The following LCE1F variants were observed in gnomAD, a reference collection of about 807,000 sequenced individuals.
LCE1F encodes the protein late cornified envelope protein 1F.
For synonymous variants in LCE1F, 67 were observed against 59.9 expected, an observed-to-expected ratio of 1.12 and a Z score of -0.55; for missense variants, 154 against 153.5, an observed-to-expected ratio of 1.00 and a Z score of -0.02.
intron 1 of LCE1F, 43 bp from the exon 2 acceptor site, chr1:152,776,307 T>C (rs966048583): frequency 5.4e-6 from 8 of 1,468,768 alleles, no homozygotes; most frequent in Admixed American, 1.7e-5. Context: ...TAGGCAGGGG[T>C]GTCCTCTGCC....
In LCE1F at chr1:152,776,355, G is replaced by A; in HGVS notation, c.-17G>A. On this transcript the variant is annotated 5_prime_UTR_variant, in exon 2 of 2. Coordinates refer to ENST00000334371, the MANE Select transcript of LCE1F (RefSeq NM_178354.3). ...GCTGTCTGACCCTCCTTCAGCTCCTGAACACCCGCCACCGAGATGTCTTGC... is the reference window on the plus strand; with the variant it reads ...GCTGTCTGACCCTCCTTCAGCTCCTAAACACCCGCCACCGAGATGTCTTGC... 1 of 1,608,954 alleles carries A rather than the reference G, an allele frequency of 6.2e-7. No individual in the cohort carries two copies. The highest frequency in any genetic ancestry group is 8.5e-7 in the Non-Finnish European group (1 of 1,177,722).
chr1:152,776,150 A>T (rs1276300496), intron 1 of LCE1F, among the ~76,000 whole-genome samples, 200 bp from the exon 2 acceptor site: 1 of 152,176 alleles, frequency 6.6e-6, no homozygotes, highest in Non-Finnish European at 1.5e-5. Flanking sequence ...GCATGACAAC[A>T]TCTCAAATAA....
intron 1 of LCE1F, among the ~76,000 whole-genome samples, 145 bp downstream of exon 1, chr1:152,775,335 G>T (rs1328120643): frequency 2.6e-5 from 4 of 152,188 alleles, no homozygotes; most frequent in African/African-American, 9.6e-5. Context: ...CAAGGAATGG[G>T]GTGGGGGCAG....
At chr1:152,775,276 G>A (rs1468405250) in intron 1 of LCE1F, among the ~76,000 whole-genome samples, 86 bp downstream of exon 1, 1 of 152,168 alleles carries the variant, frequency 6.6e-6, no homozygotes, top group East Asian at 1.9e-4. Context: ...TCAGACCAGG[G>A]CAGGAGTAGA....
intron 1 of LCE1F, among the ~76,000 whole-genome samples, chr1:152,775,929 T>C (rs998052170): frequency 1.0e-4 from 15 of 149,174 alleles, no homozygotes; most frequent in African/African-American, 3.9e-4. Flanking sequence ...AACTGAAATA[T>C]ATCAGTTCTT....
chr1:152,776,226 G>A, intron 1 of LCE1F, 124 bp from the exon 2 acceptor site: 2 of 830,994 alleles, frequency 2.4e-6, no homozygotes, highest in South Asian at 1.7e-5. Flanking sequence ...AAACATTAGA[G>A]GTGATTTTCC....
intron 1 of LCE1F, among the ~76,000 whole-genome samples, chr1:152,776,051 G>A (rs934454106): frequency 9.2e-5 from 14 of 152,006 alleles, no homozygotes; most frequent in East Asian, 3.9e-4. Flanking sequence ...ATGCTGGCCC[G>A]GAGCCAATTT....
Position 152,776,467 on chromosome 1 carries a change from G to A in LCE1F, c.96G>A (p.Lys32=), listed in dbSNP as rs1651602856. The A allele has an allele frequency of 1.2e-6, 2 of 1,600,084 alleles. No homozygotes were observed. The highest frequency in any genetic ancestry group is 8.5e-7 in the Non-Finnish European group (1 of 1,175,288). ...GCCCCACACCGAAGTGCCCCCCAAA[G>A]TGTCCCCCTAAGTGCCCTCCTGTCT... ...PKCPTPKCPP[K]CPPKCPPVSS... Residue 32 remains lysine (K), a synonymous_variant, in exon 2 of 2, where the codon AAG becomes AAA. Transcript: ENST00000334371.
Position 152,776,335 on chromosome 1 carries a change from C to G in LCE1F, c.-22-15C>G. ...CCTCTGCCTCCATCTAACTTGCTGTCTGACCCTCCTTCAGCTCCTGAACAC... is the reference window on the plus strand; with the variant it reads ...CCTCTGCCTCCATCTAACTTGCTGTGTGACCCTCCTTCAGCTCCTGAACAC... On this transcript the variant is annotated splice_polypyrimidine_tract_variant and intron_variant, in intron 1 of 1. Transcript: ENST00000334371. 1 of 1,606,010 alleles carries G rather than the reference C, an allele frequency of 6.2e-7. No individual in the cohort carries two copies. Among genetic ancestry groups the G allele is most frequent in the South Asian group, 1.1e-5 (1 of 90,636 alleles).
chr1:152,776,520 G>A lies in LCE1F; in HGVS notation c.149G>A (p.Gly50Asp). The A allele has an allele frequency of 6.5e-7, 1 of 1,548,372 alleles. No homozygotes were observed. The highest frequency in any genetic ancestry group is 8.8e-7 in the Non-Finnish European group (1 of 1,137,658). Residue 50 changes from glycine to aspartate, a missense_variant, in exon 2 of 2, where the codon GGC becomes GAC. Transcript: ENST00000334371. ...TCCTGCTGCAGCGTCAGCTCCGGAG[G>A]CTGCTGTGGCTCCAGCTCTGGGGGC... ...VSSCCSVSSG[G>D]CCGSSSGGCC...
rs1214943695 is a variant in LCE1F, at chr1:152,775,192, T to C, written c.-23+2T>C. Reference sequence around the variant, plus strand: ...AACCCTGTGCTGCCTGTGATCCTGGTAAGTGTGCCCTGGAAAAAGGAGCAG... The same window carrying C: ...AACCCTGTGCTGCCTGTGATCCTGGCAAGTGTGCCCTGGAAAAAGGAGCAG... On this transcript the variant is annotated splice_donor_variant, in intron 1 of 1. Transcript: ENST00000334371. LOFTEE classifies it low-confidence loss of function (5UTR_SPLICE). 2.6e-5 allele frequency among the ~76,000 whole-genome samples: 4 copies of C among 152,048 alleles called. No homozygotes were observed. Among genetic ancestry groups the C allele is most frequent in the Admixed American group, 1.3e-4 (2 of 15,268 alleles).
Position 152,775,199 on chromosome 1 carries a change from G to A in LCE1F, c.-23+9G>A, listed in dbSNP as rs1651538260. 2.0e-5 allele frequency among the ~76,000 whole-genome samples: 3 copies of A among 152,206 alleles called. No homozygotes were observed. The highest frequency in any genetic ancestry group is 2.0e-4 in the Admixed American group (3 of 15,278). ...TGCTGCCTGTGATCCTGGTAAGTGTGCCCTGGAAAAAGGAGCAGGGGCTTC... is the reference window on the plus strand; with the variant it reads ...TGCTGCCTGTGATCCTGGTAAGTGTACCCTGGAAAAAGGAGCAGGGGCTTC... On this transcript the variant is annotated intron_variant, in intron 1 of 1. Transcript: ENST00000334371.
chr1:152,776,446 C>T lies in LCE1F; in HGVS notation c.75C>T (p.Pro25=). The T allele has an allele frequency of 6.2e-7, 1 of 1,610,486 alleles. No individual in the cohort carries two copies. Among genetic ancestry groups the T allele is most frequent in the Non-Finnish European group, 8.5e-7 (1 of 1,179,950 alleles). The part of the protein sequence containing the change: ...KCTPKCPPKC[P]TPKCPPKCPP... ...CTCCCAAGTGCCCTCCCAAGTGCCC[C>T]ACACCGAAGTGCCCCCCAAAGTGTC... The change falls in exon 2 of 2, where the codon CCC becomes CCT. Residue 25 remains proline (P), a synonymous_variant. Coordinates refer to ENST00000334371, the MANE Select transcript of LCE1F (RefSeq NM_178354.3).
chr1:152,776,343 C>T lies in LCE1F; in HGVS notation c.-22-7C>T. The stretch of plus-strand genomic sequence containing the variant: ...TCCATCTAACTTGCTGTCTGACCCT[C>T]CTTCAGCTCCTGAACACCCGCCACC... On this transcript the variant is annotated splice_polypyrimidine_tract_variant and splice_region_variant and intron_variant, in intron 1 of 1. Coordinates refer to ENST00000334371, the MANE Select transcript of LCE1F (RefSeq NM_178354.3). The T allele has an allele frequency of 6.2e-7, 1 of 1,610,728 alleles. No individual in the cohort carries two copies. The highest frequency in any genetic ancestry group is 8.5e-7 in the Non-Finnish European group (1 of 1,177,218).
chr1:152,775,772 A>G (rs1017528054), intron 1 of LCE1F, among the ~76,000 whole-genome samples: 9 of 152,116 alleles, frequency 5.9e-5, no homozygotes, highest in Non-Finnish European at 1.3e-4. Context: ...GAACCAGGGG[A>G]CCCCGGAACA....
In LCE1F at chr1:152,776,834, C is replaced by G. The variant is rs1384746087; in HGVS notation, c.*106C>G. 7.5e-7 allele frequency: 1 copy of G among 1,337,032 alleles called. No individual in the cohort carries two copies. Among genetic ancestry groups the G allele is most frequent in the Non-Finnish European group, 1.0e-6 (1 of 986,818 alleles). 82.8% of individuals were successfully genotyped at this position (1,337,032 alleles called of 1,614,324 possible). A position where few individuals can be genotyped will look rare whatever the true frequency, so the allele number is the denominator to read the frequency against. ...GGGACATTTTAGTAAAGATTTCAAA[C>G]TCTGTCCTGGAAGATTCCTCCGACC... On this transcript the variant is annotated 3_prime_UTR_variant, in exon 2 of 2. Transcript: ENST00000334371.
Position 152,776,651 on chromosome 1 carries a change from G to C in LCE1F, c.280G>C (p.Asp94His). The C allele has an allele frequency of 6.2e-7, 1 of 1,609,306 alleles. No individual in the cohort carries two copies. The highest frequency in any genetic ancestry group is 8.5e-7 in the Non-Finnish European group (1 of 1,177,622). ...CCACCGCCACAGACCCCAGAGCTCT[G>C]ACTGCTGCAGCCAGCCCTCAGCGGG... Reference protein sequence around the residue: ...RSHRHRPQSSDCCSQPSAGSS... With the variant: ...RSHRHRPQSSHCCSQPSAGSS... Residue 94 changes from aspartate to histidine, a missense_variant, in exon 2 of 2, where the codon GAC becomes CAC. Asp to His is a moderately conservative substitution (Grantham distance 81). Transcript: ENST00000334371.
In LCE1F at chr1:152,776,709, A is replaced by G. The variant is rs538106262; in HGVS notation, c.338A>G (p.His113Arg). The stretch of plus-strand genomic sequence containing the variant: ...TGCTGCGGAGGGGGCAGTGGCCAGC[A>G]CTCTGGAGGCTGCTGCTGAAGTGGA... ...SSCCGGGSGQ[H>R]SGGCC Residue 113 changes from histidine (H) to arginine (R), a missense_variant, in exon 2 of 2, where the codon CAC becomes CGC. Transcript: ENST00000334371. 12 of 1,563,344 alleles carry G rather than the reference A, an allele frequency of 7.7e-6. No individual in the cohort carries two copies. In the African/African-American group the frequency reaches 1.4e-4, roughly 18 times the overall value.
rs1325284719 is a variant in LCE1F at position 152,776,900 on chromosome 1, T to C, written c.*172T>C. On this transcript the variant is annotated 3_prime_UTR_variant, in exon 2 of 2. Transcript: ENST00000334371. ...TGCCCTCTCACAAGAATTCCTCTTC[T>C]GACCTCTGATTCCATCTGTGCGCCT... 6.6e-6 allele frequency among the ~76,000 whole-genome samples: 1 copy of C among 152,258 alleles called. No individual in the cohort carries two copies. Among genetic ancestry groups the C allele is most frequent in the Admixed American group, 6.5e-5 (1 of 15,292 alleles).
Sources: gnomAD v4.1 joint callset for allele counts (sites outside exome capture counted in the v4.1 genomes callset) on GRCh38, gnomAD v4.1.1 for gene constraint, MANE v1.5 for transcripts, NCBI Gene and HGNC (gene_info 2026-07-23, HGNC 2026-07-21) for gene names.